The following PXDC1 variants were observed in gnomAD, a reference collection of about 807,000 sequenced individuals.
PXDC1 encodes the protein PX domain containing 1.
A neutral mutation model predicts 24.4 loss-of-function variants in PXDC1; 13 were observed. The observed-to-expected ratio is 0.53, with a 90% confidence interval of 0.35 to 0.85. The LOEUF (loss-of-function observed/expected upper bound fraction) is 0.85, where lower values mean the gene tolerates loss of function less well. Among genes scored for constraint, PXDC1 ranks in the 40% least tolerant of loss-of-function variants. PXDC1 has a pLI of 0.01. For synonymous variants in PXDC1, 162 were observed against 124.9 expected, an observed-to-expected ratio of 1.30 and a Z score of -1.98; for missense variants, 344 against 309.3, an observed-to-expected ratio of 1.11 and a Z score of -0.84.
chr6:3,734,957 C>T (rs938011546), intron 3 of PXDC1, among the ~76,000 whole-genome samples: 10 of 151,954 alleles, frequency 6.6e-5, no homozygotes, highest in Admixed American at 1.3e-4. Flanking sequence ...TGATGGGATA[C>T]GCCTGTAGTC....
chr6:3,741,170 G>A (rs978363526), intron 1 of PXDC1, among the ~76,000 whole-genome samples: 2 of 152,250 alleles, frequency 1.3e-5, no homozygotes, highest in East Asian at 1.9e-4. Flanking sequence ...CACCAGCCTC[G>A]AAGGAGAGTC....
Position 3,725,865 on chromosome 6 carries a change from C to T in PXDC1, c.578+1686G>A, listed in dbSNP as rs950284099. On this transcript the variant is annotated intron_variant, in intron 4 of 4. Transcript: ENST00000380283. The surrounding 1 kb of genome is among the most constrained non-coding windows in gnomAD (Gnocchi z 4.8). ...TGCTCCCGAGCCCCATGGCGGCAGG[C>T]GTTTCTTTGTTAGGCTTTTCTGGGG... is the stretch of plus-strand genomic sequence containing the variant. 2.0e-5 allele frequency among the ~76,000 whole-genome samples: 3 copies of T among 152,210 alleles called. No individual in the cohort carries two copies. Among genetic ancestry groups the T allele is most frequent in the African/African-American group, 7.2e-5 (3 of 41,460 alleles).
chr6:3,726,652 C>T (rs1384070733), intron 4 of PXDC1, among the ~76,000 whole-genome samples: 1 of 152,232 alleles, frequency 6.6e-6, no homozygotes, highest in Admixed American at 6.5e-5. Flanking sequence ...CCCACAGGCC[C>T]GGATGTGGGC....
chr6:3,727,594 T>G lies in PXDC1; in HGVS notation c.535A>C (p.Asn179His). Residue 179 changes from asparagine (N) to histidine (H), a missense_variant, in exon 4 of 5, where the codon AAT (asparagine) becomes CAT (histidine). Transcript: ENST00000380283. ...ETIVIDHSIP[N>H]GRDQQLGVDP... The stretch of plus-strand genomic sequence containing the variant: ...ACGCCCAGCTGCTGGTCTCTTCCAT[T>G]TGGTATACTGTGGTCAATAACTATT... The G allele has an allele frequency of 6.2e-7, 1 of 1,613,690 alleles. No individual in the cohort carries two copies. The highest frequency in any genetic ancestry group is 1.7e-5 in the Admixed American group (1 of 60,024).
Position 3,737,947 on chromosome 6 carries a change from G to A in PXDC1, c.348+110C>T. ...ACCAGGGAGGGAACAAAACGGCTAA[G>A]TGAGACAGAGCAAGCAAGTCAACCC... On this transcript the variant is annotated intron_variant, in intron 2 of 4. Transcript: ENST00000380283. The surrounding 1 kb of genome is among the most constrained non-coding windows in gnomAD (Gnocchi z 5.5). 1.1e-6 allele frequency: 1 copy of A among 925,104 alleles called. No homozygotes were observed. The highest frequency in any genetic ancestry group is 1.7e-6 in the Non-Finnish European group (1 of 586,872). 57.3% of individuals were successfully genotyped at this position (925,104 alleles called of 1,614,324 possible).
At chr6:3,743,526 G>T in intron 1 of PXDC1, among the ~76,000 whole-genome samples, 1 of 152,072 alleles carries the variant, frequency 6.6e-6, no homozygotes, top group East Asian at 1.9e-4. Context: ...ACACATCTTG[G>T]AAACTAAATA....
At chr6:3,746,248 G>C (rs903638822) in intron 1 of PXDC1, among the ~76,000 whole-genome samples, 1 of 152,214 alleles carries the variant, frequency 6.6e-6, no homozygotes, top group African/African-American at 2.4e-5. Flanking sequence ...CTGTCGGGGG[G>C]GCAGCAAACC....
chr6:3,745,503 G>A (rs544279399), intron 1 of PXDC1, among the ~76,000 whole-genome samples: 3 of 152,344 alleles, frequency 2.0e-5, no homozygotes, highest in South Asian at 4.1e-4. Context: ...GGAATGACAT[G>A]CAGGTGGCAA....
intron 3 of PXDC1, among the ~76,000 whole-genome samples, chr6:3,734,360 A>G (rs997869914): frequency 2.6e-5 from 4 of 152,168 alleles, no homozygotes; most frequent in Admixed American, 1.3e-4. Context: ...GCAAGGCACT[A>G]AGAGGACTCT....
In PXDC1 at chr6:3,722,978, C is replaced by G. The variant is rs949360883; in HGVS notation, c.*641G>C. 1 of 152,186 alleles carries G rather than the reference C, an allele frequency of 6.6e-6. No homozygotes were observed. The highest frequency in any genetic ancestry group is 2.4e-5 in the African/African-American group (1 of 41,410). The allele number at this position is 152,186 out of a possible 1,614,324, so 9.4% of individuals were successfully genotyped here. A position where few individuals can be genotyped will look rare whatever the true frequency, so the allele number is the denominator to read the frequency against. On this transcript the variant is annotated 3_prime_UTR_variant, in exon 5 of 5. Coordinates refer to ENST00000380283, the MANE Select transcript of PXDC1 (RefSeq NM_183373.4). The stretch of plus-strand genomic sequence containing the variant: ...CAAGCTCACACGGTTATCTAGTCGG[C>G]AATGCCTTCCCTGCCCTGCAGCCAA...
intron 1 of PXDC1, among the ~76,000 whole-genome samples, chr6:3,748,238 C>T (rs1053879786): frequency 6.6e-6 from 1 of 152,108 alleles, no homozygotes; most frequent in African/African-American, 2.4e-5. Flanking sequence ...GAACGGAACA[C>T]CTTGGTAACC....
chr6:3,736,968 C>T, intron 3 of PXDC1, 111 bp downstream of exon 3: 4 of 731,270 alleles, frequency 5.5e-6, no homozygotes, highest in South Asian at 4.8e-5. Flanking sequence ...TCTCGATTGT[C>T]TTTCTGGAAA....
rs1401224407 is a variant in PXDC1, at chr6:3,722,833, CTG to C, written c.*784_*785del. 2 of 152,576 alleles carry C rather than the reference CTG, an allele frequency of 1.3e-5. No individual in the cohort carries two copies. Among genetic ancestry groups the C allele is most frequent in the African/African-American group, 4.8e-5 (2 of 41,444 alleles). 9.5% of individuals were successfully genotyped at this position (152,576 alleles called of 1,614,324 possible). A position where few individuals can be genotyped will look rare whatever the true frequency, so the allele number is the denominator to read the frequency against. On this transcript the variant is annotated 3_prime_UTR_variant, in exon 5 of 5. Transcript: ENST00000380283. ...TCCTTTCAAGTTCATTATGGCAGCT[CTG>C]TCAATGAGCACCCCAGGGTGGTGTG...
chr6:3,724,671 G>GC lies in PXDC1; in HGVS notation c.579-936dup, dbSNP rs1459325890. Among the ~76,000 whole-genome samples the GC allele has an allele frequency of 6.6e-6, 1 of 152,028 alleles. No individual in the cohort carries two copies. Among genetic ancestry groups the GC allele is most frequent in the South Asian group, 2.1e-4 (1 of 4,814 alleles). On this transcript the variant is annotated intron_variant, in intron 4 of 4. Transcript: ENST00000380283. This position sits in a 1 kb window ranked among gnomAD's most constrained non-coding sequence, Gnocchi z 4.5. Reference sequence around the variant, plus strand: ...CCACCTCGGGGCTGCCTCCTGTGCCGCCCCCAGTGACTGAAGGTGGCCCTG... The same window carrying GC: ...CCACCTCGGGGCTGCCTCCTGTGCCGCCCCCCAGTGACTGAAGGTGGCCCTG...
At chr6:3,726,825 C>T (rs1390695382) in intron 4 of PXDC1, among the ~76,000 whole-genome samples, 1 of 152,250 alleles carries the variant, frequency 6.6e-6, no homozygotes, top group Non-Finnish European at 1.5e-5. Flanking sequence ...GGATGTTTTA[C>T]ACTCACCATC....
rs191941680 is a variant in PXDC1, at chr6:3,728,808, C to T, written c.467-1146G>A. Among the ~76,000 whole-genome samples the T allele has an allele frequency of 6.6e-6, 1 of 152,250 alleles. No individual in the cohort carries two copies. Among genetic ancestry groups the T allele is most frequent in the African/African-American group, 2.4e-5 (1 of 41,534 alleles). On this transcript the variant is annotated intron_variant, in intron 3 of 4. Transcript: ENST00000380283. This position sits in a 1 kb window ranked among gnomAD's most constrained non-coding sequence, Gnocchi z 4.0. ...TTTTCTGAGGGACCGCGTTTCCGTC[C>T]CCTCGCTCAGCAGATGAGATCTGGT... is the stretch of plus-strand genomic sequence containing the variant.
chr6:3,723,300 C>T lies in PXDC1; in HGVS notation c.*319G>A, dbSNP rs947188923. ...TCCCAGGAAGCAGTAGCAGTGAGAG[C>T]GAGCCCCACAGGAACTGTCCCTGCC... is the stretch of plus-strand genomic sequence containing the variant. On this transcript the variant is annotated 3_prime_UTR_variant, in exon 5 of 5. Transcript: ENST00000380283. 1.9e-5 allele frequency: 6 copies of T among 311,514 alleles called. No individual in the cohort carries two copies. The highest frequency in any genetic ancestry group is 5.3e-5 in the East Asian group (1 of 18,798). The allele number at this position is 311,514 out of a possible 1,614,324, so 19.3% of individuals were successfully genotyped here. A position where few individuals can be genotyped will look rare whatever the true frequency, so the allele number is the denominator to read the frequency against.
rs1428090404 is a variant in PXDC1 at position 3,737,436 on chromosome 6, GA to G, written c.349-241del. ...GCCTCAGCGACCTGGGCAGTGGAGG[GA>G]ATCATGGCTCTGATGTGCCAGTTTC... is the stretch of plus-strand genomic sequence containing the variant. On this transcript the variant is annotated intron_variant, in intron 2 of 4. Transcript: ENST00000380283. This position sits in a 1 kb window ranked among gnomAD's most constrained non-coding sequence, Gnocchi z 5.5. Among the ~76,000 whole-genome samples, 1 of 152,222 alleles carries G rather than the reference GA, an allele frequency of 6.6e-6. No individual in the cohort carries two copies. The highest frequency in any genetic ancestry group is 1.5e-5 in the Non-Finnish European group (1 of 68,036).
Position 3,728,157 on chromosome 6 carries a change from A to C in PXDC1, c.467-495T>G, listed in dbSNP as rs1760110552. Among the ~76,000 whole-genome samples the C allele has an allele frequency of 6.6e-6, 1 of 152,146 alleles. No homozygotes were observed. Among genetic ancestry groups the C allele is most frequent in the South Asian group, 2.1e-4 (1 of 4,826 alleles). ...GTGTGCATTTTATTCTTATTTCAAT[A>C]GTTTTGGGGTTACAGGTGGGTCTTG... On this transcript the variant is annotated intron_variant, in intron 3 of 4. Coordinates refer to ENST00000380283, the MANE Select transcript of PXDC1 (RefSeq NM_183373.4). This position sits in a 1 kb window ranked among gnomAD's most constrained non-coding sequence, Gnocchi z 4.0.
Sources: allele counts gnomAD v4.1 joint callset (sites outside exome capture counted in the v4.1 genomes callset), GRCh38; gene constraint gnomAD v4.1.1; non-coding constraint Gnocchi (gnomAD v3.1); transcripts MANE v1.5; gene names NCBI Gene and HGNC (gene_info 2026-07-23, HGNC 2026-07-21).